The following NOL4L variants were observed in gnomAD, a reference collection of about 807,000 sequenced individuals.
The protein encoded by NOL4L is nucleolar protein 4 like, also known as nucleolar protein 4-like.
A neutral mutation model predicts 64.5 loss-of-function variants in NOL4L; 7 were observed. The observed-to-expected ratio is 0.11, with a 90% CI of 0.06 to 0.20. The LOEUF (loss-of-function observed/expected upper bound fraction) is 0.20. NOL4L is among the 10% of genes least tolerant of loss of function. The probability of loss-of-function intolerance (pLI) is 1.00; values close to 1 mark genes in which losing one functional copy is unlikely to be tolerated. For missense variants in NOL4L, 680 were observed against 967.1 expected (o/e 0.70, Z 3.94); for synonymous variants, 413 against 401.0 (o/e 1.03, Z -0.36).
intron 3 of NOL4L, among the ~76,000 whole-genome samples, chr20:32,513,398 T>C (rs151181596): frequency 1.3e-3 from 204 of 152,248 alleles, no homozygotes; most frequent in African/African-American, 4.7e-3. Flanking sequence ...ATACTTAGAA[T>C]AGGCAAATTC....
Position 32,445,514 on chromosome 20 carries a change from C to T in NOL4L, c.*2082G>A, listed in dbSNP as rs2012290595. The T allele has an allele frequency of 1.3e-5, 2 of 152,146 alleles. No individual in the cohort carries two copies. The highest frequency in any genetic ancestry group is 4.8e-5 in the African/African-American group (2 of 41,428). 9.4% of individuals were successfully genotyped at this position (152,146 alleles called of 1,614,324 possible). Reference sequence around the variant, plus strand: ...CTGGGGTAACATTTTTGCAAAAGATCTTACTGATTACTTTGTAGTATTGTT... The same window carrying T: ...CTGGGGTAACATTTTTGCAAAAGATTTTACTGATTACTTTGTAGTATTGTT... On this transcript the variant is annotated 3_prime_UTR_variant, in exon 11 of 11. Coordinates refer to ENST00000621426, the MANE Select transcript of NOL4L (RefSeq NM_001256798.2).
At chr20:32,539,342 C>G (rs1310605639) in intron 1 of NOL4L, among the ~76,000 whole-genome samples, 1 of 152,174 alleles carries the variant, frequency 6.6e-6, no homozygotes, top group African/African-American at 2.4e-5. Context: ...AGCCACTTCC[C>G]TTCCCTGGAA....
Position 32,446,151 on chromosome 20 carries a change from T to TG in NOL4L, c.*1444dup, listed in dbSNP as rs1555914069. On this transcript the variant is annotated 3_prime_UTR_variant, in exon 11 of 11. Coordinates refer to ENST00000621426, the MANE Select transcript of NOL4L (RefSeq NM_001256798.2). ...TACGGAGTGTTGCACGGAGAGGCCC[T>TG]GGGGGCCTGCTGAGGTCTGGGCGAG... The TG allele has an allele frequency of 2.0e-5, 3 of 152,444 alleles. No homozygotes were observed. Among genetic ancestry groups the TG allele is most frequent in the Admixed American group, 6.5e-5 (1 of 15,288 alleles). The allele number at this position is 152,444 out of a possible 1,614,324, so 9.4% of individuals were successfully genotyped here.
At chr20:32,537,017 C>T in intron 1 of NOL4L, 2 of 976,846 alleles carry the variant, frequency 2.0e-6, no homozygotes, top group East Asian at 1.1e-4. Flanking sequence ...TCGCGTCCCC[C>T]TTCCGGCCCC....
chr20:32,538,801 C>G (rs2018602692), intron 1 of NOL4L, among the ~76,000 whole-genome samples: 1 of 152,198 alleles, frequency 6.6e-6, no homozygotes, highest in Admixed American at 6.5e-5. Flanking sequence ...GGGCGTCGCT[C>G]CCGTCTAGCC....
intron 4 of NOL4L, among the ~76,000 whole-genome samples, chr20:32,479,223 G>A (rs1489698342): frequency 1.3e-5 from 2 of 152,216 alleles, no homozygotes; most frequent in Non-Finnish European, 2.9e-5. Context: ...TGTGCAGAGG[G>A]GGAAAATACA....
intron 4 of NOL4L, 160 bp from the exon 5 acceptor site, chr20:32,474,902 T>G (rs150154463): frequency 4.1e-6 from 4 of 985,428 alleles, no homozygotes; most frequent in African/African-American, 1.7e-5. Flanking sequence ...GTGCTCCCCC[T>G]TGCCCGGTGG....
At chr20:32,543,562 C>T (rs772838479) in intron 1 of NOL4L, among the ~76,000 whole-genome samples, 9 of 151,228 alleles carry the variant, frequency 6.0e-5, no homozygotes, top group Admixed American at 2.6e-4. Context: ...GAGGTTGCAG[C>T]GAGCTGAGAT....
At chr20:32,482,455 C>A (rs1227434610) in intron 4 of NOL4L, among the ~76,000 whole-genome samples, 2 of 152,292 alleles carry the variant, frequency 1.3e-5, no homozygotes, top group African/African-American at 4.8e-5. Context: ...CACTTCTGCT[C>A]CCGAGCGGCT....
Position 32,447,606 on chromosome 20 carries a change from T to C in NOL4L, c.2033A>G (p.Gln678Arg). ...SADELENLIL[Q>R]QN ...CAGGTGCCGGTGGGGTCAGTTCTGC[T>C]GTAGGATGAGGTTTTCCAGTTCATC... is the stretch of plus-strand genomic sequence containing the variant. The change falls in exon 11 of 11, where the codon CAG becomes CGG. Residue 678 changes from glutamine to arginine, a missense_variant. Gln to Arg is a conservative substitution (Grantham distance 43). Around this residue, in one of 4 missense-constraint regions of NOL4L, gnomAD observed 175 missense variants for 227.0 expected, o/e 0.77. Coordinates refer to ENST00000621426, the MANE Select transcript of NOL4L (RefSeq NM_001256798.2). 6.2e-7 allele frequency: 1 copy of C among 1,600,346 alleles called. No homozygotes were observed. Among genetic ancestry groups the C allele is most frequent in the Non-Finnish European group, 8.5e-7 (1 of 1,178,106 alleles).
intron 4 of NOL4L, among the ~76,000 whole-genome samples, chr20:32,488,780 TTCCTTC>T (rs1568647610): frequency 1.0e-4 from 5 of 48,376 alleles, no homozygotes; most frequent in Admixed American, 4.7e-4. Context: ...CCTTCCTTCC[TTCCTTC>T]CTTCCTTTCT....
rs556251338 is a variant in NOL4L at position 32,455,505 on chromosome 20, C to G, written c.1119+613G>C. Among the ~76,000 whole-genome samples the G allele has an allele frequency of 1.2e-3, 190 of 152,306 alleles. 1 individual carries two copies. The highest frequency in any genetic ancestry group is 4.4e-3 in the African/African-American group (183 of 41,566). On this transcript the variant is annotated intron_variant, in intron 6 of 10. Transcript: ENST00000621426. ...GCTCCAGGAAGGCACCTCTGGCCCCCGGGCCCAGGTTGGAGAAGAGGCACT... is the reference window on the plus strand; with the variant it reads ...GCTCCAGGAAGGCACCTCTGGCCCCGGGGCCCAGGTTGGAGAAGAGGCACT...
intron 3 of NOL4L, among the ~76,000 whole-genome samples, chr20:32,516,361 T>C (rs1228577168): frequency 6.6e-6 from 1 of 152,022 alleles, no homozygotes; most frequent in East Asian, 1.9e-4. Flanking sequence ...ATGTGCATGC[T>C]ATCCGGGTGG....
intron 1 of NOL4L, among the ~76,000 whole-genome samples, chr20:32,542,501 T>A (rs2018672573): frequency 6.6e-6 from 1 of 152,014 alleles, no homozygotes; most frequent in Admixed American, 6.6e-5. Context: ...CATAGGCATG[T>A]GTCACTACAC....
chr20:32,469,921 GGCCCTCAGT>G (rs1371317617), intron 5 of NOL4L, among the ~76,000 whole-genome samples: 1 of 152,204 alleles, frequency 6.6e-6, no homozygotes, highest in East Asian at 1.9e-4. Flanking sequence ...AGAGCCAAAG[GGCCCTCAGT>G]GCCTTTGTCC....
intron 4 of NOL4L, among the ~76,000 whole-genome samples, chr20:32,504,161 T>G (rs2017037776): frequency 6.6e-6 from 1 of 152,220 alleles, no homozygotes; most frequent in African/African-American, 2.4e-5. Context: ...ATGTAATCAC[T>G]CTTGCTGGAC....
At position 32,444,960 on chromosome 20, in the gene NOL4L, C is replaced by CAACAA. The variant is rs150891059; in HGVS notation, c.*2635_*2636insTTGTT. The CAACAA allele has an allele frequency of 1.3e-5, 2 of 151,714 alleles. No homozygotes were observed. The highest frequency in any genetic ancestry group is 4.8e-5 in the African/African-American group (2 of 41,240). The allele number at this position is 151,714 out of a possible 1,614,324, so 9.4% of individuals were successfully genotyped here. On this transcript the variant is annotated 3_prime_UTR_variant, in exon 11 of 11. Transcript: ENST00000621426. ...TGCATCTTTTAAAACAAAAGCAAAA[C>CAACAA]AAGTTCCCTGACTGAGCCAGCTAAA...
intron 4 of NOL4L, among the ~76,000 whole-genome samples, chr20:32,480,432 T>C (rs1383777355): frequency 6.6e-6 from 1 of 152,176 alleles, no homozygotes; most frequent in African/African-American, 2.4e-5. Flanking sequence ...CCCAGGCTTG[T>C]TCGACAGGAG....
At chr20:32,524,422 G>A (rs2018054450) in intron 2 of NOL4L, among the ~76,000 whole-genome samples, 1 of 152,332 alleles carries the variant, frequency 6.6e-6, no homozygotes, top group Middle Eastern at 3.4e-3. Context: ...ATCCACGGGT[G>A]GACAGCAGTA....
Sources: gnomAD v4.1 joint callset for allele counts (sites outside exome capture counted in the v4.1 genomes callset) on GRCh38, gnomAD v4.1.1 for gene constraint, gnomAD v4.1.1 regional missense constraint, MANE v1.5 for transcripts, NCBI Gene and HGNC (gene_info 2026-07-23, HGNC 2026-07-21) for gene names.